The following NXPE1 variants were observed in gnomAD, a reference collection of about 807,000 sequenced individuals.
NXPE1 encodes neurexophilin and PC-esterase domain family member 1.
NXPE1 carries 31 observed loss-of-function variants against 33.3 expected under a neutral mutation model. The observed-to-expected ratio is 0.93, with a 90% confidence interval of 0.70 to 1.26. The LOEUF (loss-of-function observed/expected upper bound fraction) is 1.26. Ranked by LOEUF, NXPE1 falls within the 50% of genes most tolerant of loss-of-function variation. The pLI is 0.00. For missense variants in NXPE1, 661 were observed against 655.6 expected (o/e 1.01, Z -0.09); for synonymous variants, 229 against 231.4 (o/e 0.99, Z 0.09).
Position 114,527,917 on chromosome 11 carries a change from A to C in NXPE1, c.834-16T>G, listed in dbSNP as rs1449641418. 6.7e-7 allele frequency: 1 copy of C among 1,495,040 alleles called. No homozygotes were observed. The allele number at this position is 1,495,040 out of a possible 1,614,324, so 92.6% of individuals were successfully genotyped here. A position where few individuals can be genotyped will look rare whatever the true frequency, so the allele number is the denominator to read the frequency against. ...CACTTTGGACCTTCAAAAAAAAAAT[A>C]GAACAATAAATTAGCCTGCTCTCTG... On this transcript the variant is annotated splice_polypyrimidine_tract_variant and intron_variant, in intron 6 of 8. Transcript: ENST00000534921.
At chr11:114,538,873 T>C (rs1352779531) in intron 5 of NXPE1, among the ~76,000 whole-genome samples, 1 of 152,186 alleles carries the variant, frequency 6.6e-6, no homozygotes, top group Non-Finnish European at 1.5e-5. Flanking sequence ...GAAGTCAGTG[T>C]GGTGATTCCT....
intron 7 of NXPE1, among the ~76,000 whole-genome samples, chr11:114,525,972 A>G (rs1490561953): frequency 6.6e-6 from 1 of 152,140 alleles, no homozygotes; most frequent in Non-Finnish European, 1.5e-5. Flanking sequence ...TGACCAGGGT[A>G]TGGCCTTTGA....
chr11:114,558,255 CTTT>C (rs1044102822), intron 1 of NXPE1, among the ~76,000 whole-genome samples: 3 of 151,564 alleles, frequency 2.0e-5, no homozygotes, highest in Admixed American at 1.3e-4. Flanking sequence ...ATATGTTTTT[CTTT>C]TTATTTCATT....
chr11:114,545,687 G>A (rs919699412), intron 5 of NXPE1, among the ~76,000 whole-genome samples: 4 of 151,496 alleles, frequency 2.6e-5, no homozygotes, highest in Admixed American at 2.6e-4. Flanking sequence ...CACAAAGAGT[G>A]GATCTTTTTT....
At chr11:114,524,416 G>T (rs1214964407) in intron 7 of NXPE1, among the ~76,000 whole-genome samples, 1 of 152,198 alleles carries the variant, frequency 6.6e-6, no homozygotes, top group Non-Finnish European at 1.5e-5. Flanking sequence ...TCATTACATG[G>T]TTGTATTGTA....
intron 8 of NXPE1, 139 bp downstream of exon 8, chr11:114,522,740 C>T: frequency 1.5e-6 from 1 of 685,080 alleles, no homozygotes; most frequent in Non-Finnish European, 2.4e-6. Flanking sequence ...GAATAAAATA[C>T]ATTTTAAATG....
chr11:114,545,742 G>A (rs1359481568), intron 5 of NXPE1, among the ~76,000 whole-genome samples: 1 of 150,782 alleles, frequency 6.6e-6, no homozygotes, highest in Non-Finnish European at 1.5e-5. Flanking sequence ...AGGCTGGAGT[G>A]CAGTGGCGTG....
intron 5 of NXPE1, among the ~76,000 whole-genome samples, chr11:114,545,457 C>G (rs1476491737): frequency 1.3e-5 from 2 of 152,092 alleles, no homozygotes; most frequent in African/African-American, 2.4e-5. Context: ...GAGAAAGAAG[C>G]CCATCTGAAA....
downstream of NXPE1, among the ~76,000 whole-genome samples, chr11:114,520,587 T>TA (rs1947190525): frequency 6.6e-6 from 1 of 152,236 alleles, no homozygotes; most frequent in Admixed American, 6.5e-5. Context: ...AGAATGCAGA[T>TA]ATCTCTATGA....
intron 5 of NXPE1, among the ~76,000 whole-genome samples, chr11:114,533,511 G>A (rs1947666672): frequency 6.6e-6 from 1 of 152,244 alleles, no homozygotes; most frequent in Admixed American, 6.5e-5. Context: ...GGAAGCACAA[G>A]CGGTCAGGGA....
chr11:114,545,996 T>C (rs552074480), intron 5 of NXPE1, among the ~76,000 whole-genome samples: 2 of 152,048 alleles, frequency 1.3e-5, no homozygotes, highest in Non-Finnish European at 2.9e-5. Context: ...GCTGAGTGAA[T>C]CTTAATGTAT....
chr11:114,544,500 G>C (rs139866623), intron 5 of NXPE1, among the ~76,000 whole-genome samples: 6 of 152,264 alleles, frequency 3.9e-5, no homozygotes, highest in Admixed American at 2.6e-4. Flanking sequence ...TCAGCAAATA[G>C]TGCTGGAACA....
intron 8 of NXPE1, 59 bp downstream of exon 8, chr11:114,522,820 C>A (rs749881346): frequency 5.4e-5 from 66 of 1,226,246 alleles, no homozygotes; most frequent in Non-Finnish European, 7.8e-5. Flanking sequence ...ATAGAGACCT[C>A]ATTAAAAGTA....
chr11:114,540,338 A>G (rs1298234808), intron 5 of NXPE1, among the ~76,000 whole-genome samples: 1 of 152,244 alleles, frequency 6.6e-6, no homozygotes, highest in Non-Finnish European at 1.5e-5. Flanking sequence ...CTCAGACATC[A>G]TGAACTACAT....
intron 2 of NXPE1, 121 bp downstream of exon 2, chr11:114,552,731 G>T: frequency 5.0e-6 from 1 of 201,150 alleles, no homozygotes; most frequent in Non-Finnish European, 8.8e-6. Flanking sequence ...TAGTGCGTAT[G>T]GATATGTTTC....
chr11:114,528,019 A>T, intron 6 of NXPE1, 118 bp from the exon 7 acceptor site: 1 of 645,312 alleles, frequency 1.5e-6, no homozygotes, highest in South Asian at 2.4e-5. Context: ...AGCTGTTATT[A>T]TTGTTGTAAA....
chr11:114,533,524 T>G (rs1947667717), intron 5 of NXPE1, among the ~76,000 whole-genome samples: 1 of 152,142 alleles, frequency 6.6e-6, no homozygotes, highest in Non-Finnish European at 1.5e-5. Flanking sequence ...GTCAGGGAAT[T>G]TCCTTTCCTA....
chr11:114,547,628 G>A (rs1425073816), intron 5 of NXPE1, among the ~76,000 whole-genome samples: 1 of 152,080 alleles, frequency 6.6e-6, no homozygotes, highest in Non-Finnish European at 1.5e-5. Context: ...CCAGCTACTC[G>A]GGAGGCTGAG....
In NXPE1 at chr11:114,543,516, G is replaced by A. The variant is rs564446932; in HGVS notation, c.99+7587C>T. On this transcript the variant is annotated intron_variant, in intron 5 of 8. Coordinates refer to ENST00000534921, the Ensembl canonical transcript of NXPE1. ...AGCCTGGGGTACAGAGTGAGACCCT[G>A]TTTAAAAAAAAAAAAAATCTTTTTA... Among the ~76,000 whole-genome samples the A allele has an allele frequency of 6.2e-3, 580 of 93,008 alleles. 5 individuals carry two copies. Among genetic ancestry groups the A allele is most frequent in the African/African-American group, 0.038 (527 of 13,860 alleles). The allele number at this position is 93,008 out of a possible 152,430, so 61.0% of individuals were successfully genotyped here.
Sources: gnomAD v4.1 joint callset for allele counts (sites outside exome capture counted in the v4.1 genomes callset) on GRCh38, gnomAD v4.1.1 for gene constraint, MANE v1.5 for transcripts, NCBI Gene and HGNC (gene_info 2026-07-23, HGNC 2026-07-21) for gene names.